Variants in KLHL35 observed in about 807,000 individuals in gnomAD.
The protein encoded by KLHL35 is kelch like family member 35, also known as kelch-like protein 35.
KLHL35 carries 50 observed loss-of-function variants against 44.0 expected under a neutral mutation model. That is an observed-to-expected ratio of 1.14 (90% CI 0.91 to 1.44). KLHL35 has a LOEUF of 1.44. Among genes scored for constraint, KLHL35 ranks in the 40% most tolerant of loss-of-function variants. KLHL35 has a pLI of 0.00. For synonymous variants in KLHL35, 470 were observed against 410.4 expected (o/e 1.15, Z -1.76); for missense variants, 1,049 against 887.8 (o/e 1.18, Z -2.31).
chr11:75,429,294 G>C (rs1452632274), intron 2 of KLHL35, among the ~76,000 whole-genome samples: 2 of 152,176 alleles, frequency 1.3e-5, no homozygotes, highest in Non-Finnish European at 2.9e-5. Flanking sequence ...CTTAGTGTTA[G>C]AGAGAGTGTC....
In KLHL35 at chr11:75,429,972, C is replaced by A; in HGVS notation, c.658G>T (p.Ala220Ser). The A allele has an allele frequency of 7.0e-7, 1 of 1,436,400 alleles. No individual in the cohort carries two copies. Among genetic ancestry groups the A allele is most frequent in the Non-Finnish European group, 9.1e-7 (1 of 1,102,382 alleles). 89.0% of individuals were successfully genotyped at this position (1,436,400 alleles called of 1,614,324 possible). A position where few individuals can be genotyped will look rare whatever the true frequency, so the allele number is the denominator to read the frequency against. ...VAREEAVFEA[A>S]MRWVRHDAPA... ...GCGTCGTGGCGCACCCAGCGCATGGCCGCTTCAAACACGGCCTCCTCGCGC... is the reference window on the plus strand; with the variant it reads ...GCGTCGTGGCGCACCCAGCGCATGGACGCTTCAAACACGGCCTCCTCGCGC... The change falls in exon 2 of 7, where the codon GCC becomes TCC. Residue 220 changes from alanine to serine, a missense_variant. Coordinates refer to ENST00000539798, the MANE Select transcript of KLHL35 (RefSeq NM_001039548.3).
chr11:75,423,201 A>G (rs115919904), intron 6 of KLHL35: 2,728 of 205,780 alleles, frequency 0.013, 79 homozygotes, highest in African/African-American at 0.058. Context: ...ACTGGCAGAG[A>G]CCTCCAGTCC....
chr11:75,425,717 C>G, intron 4 of KLHL35, 136 bp from the exon 5 acceptor site: 1 of 770,162 alleles, frequency 1.3e-6, no homozygotes. Context: ...AACTGACCCC[C>G]GAGCCCAGTG....
Position 75,423,721 on chromosome 11 carries a change from C to T in KLHL35, c.1534G>A (p.Gly512Arg). 1 of 1,613,834 alleles carries T rather than the reference C, an allele frequency of 6.2e-7. No individual in the cohort carries two copies. The highest frequency in any genetic ancestry group is 8.5e-7 in the Non-Finnish European group (1 of 1,179,840). The change falls in exon 6 of 7, where the codon GGG becomes AGG. Residue 512 changes from glycine (G) to arginine (R), a missense_variant. Coordinates refer to ENST00000539798, the MANE Select transcript of KLHL35 (RefSeq NM_001039548.3). The stretch of plus-strand genomic sequence containing the variant: ...GGGCTGGGGAGGACAGCTGCCTCCC[C>T]CCACACATCTGTGCCTGGATCATAG... Reference protein sequence around the residue: ...FTYDPGTDVWGEAAVLPSPVE... With the variant: ...FTYDPGTDVWREAAVLPSPVE...
intron 4 of KLHL35, chr11:75,425,929 T>G (rs1948487542): frequency 3.7e-6 from 1 of 271,802 alleles, no homozygotes; most frequent in Non-Finnish European, 6.8e-6. Flanking sequence ...GTTTCTGAAT[T>G]CGGGATGTAG....
At chr11:75,426,453 C>T in intron 4 of KLHL35, 67 bp downstream of exon 4, 2 of 1,128,732 alleles carry the variant, frequency 1.8e-6, no homozygotes, top group Non-Finnish European at 2.5e-6. Context: ...TTTTAGAGAA[C>T]CTCCCTCCAG....
At chr11:75,423,358 C>G (rs534106620) in intron 6 of KLHL35, 2 of 274,648 alleles carry the variant, frequency 7.3e-6, no homozygotes, top group African/African-American at 2.1e-5. Context: ...TTCCCCACAT[C>G]TTACCTCATG....
At chr11:75,425,342 A>C in intron 5 of KLHL35, 51 bp downstream of exon 5, 1 of 1,481,208 alleles carries the variant, frequency 6.8e-7, no homozygotes, top group Non-Finnish European at 8.9e-7. Flanking sequence ...CCTGGCACAC[A>C]GTGGGCACCC....
chr11:75,429,977 T>C lies in KLHL35; in HGVS notation c.653A>G (p.Glu218Gly). Reference protein sequence around the residue: ...LGVAREEAVFEAAMRWVRHDA... With the variant: ...LGVAREEAVFGAAMRWVRHDA... ...GTGGCGCACCCAGCGCATGGCCGCT[T>C]CAAACACGGCCTCCTCGCGCGCCAC... The change falls in exon 2 of 7, where the codon GAA (glutamate) becomes GGA (glycine). Residue 218 changes from glutamate to glycine, a missense_variant. Coordinates refer to ENST00000539798, the MANE Select transcript of KLHL35 (RefSeq NM_001039548.3). 7.0e-7 allele frequency: 1 copy of C among 1,430,978 alleles called. No homozygotes were observed. 88.6% of individuals were successfully genotyped at this position (1,430,978 alleles called of 1,614,324 possible).
Position 75,430,334 on chromosome 11 carries a change from G to T in KLHL35, c.296C>A (p.Ala99Glu). The T allele has an allele frequency of 7.8e-7, 1 of 1,280,340 alleles. No homozygotes were observed. Among genetic ancestry groups the T allele is most frequent in the Non-Finnish European group, 9.9e-7 (1 of 1,013,130 alleles). The allele number at this position is 1,280,340 out of a possible 1,614,324, so 79.3% of individuals were successfully genotyped here. A position where few individuals can be genotyped will look rare whatever the true frequency, so the allele number is the denominator to read the frequency against. ...PEAPGTSPAG[A>E]AAALAVVLDY... ...GAGCACCACGGCCAGCGCCGCCGCC[G>T]CCCCGGCCGGGCTCGTGCCTGGCGC... The change falls in exon 2 of 7, where the codon GCG becomes GAG. Residue 99 changes from alanine (A) to glutamate (E), a missense_variant. Coordinates refer to ENST00000539798, the MANE Select transcript of KLHL35 (RefSeq NM_001039548.3).
Position 75,426,438 on chromosome 11 carries a change from G to C in KLHL35, c.1185+82C>G, listed in dbSNP as rs1372958771. 3.3e-6 allele frequency: 3 copies of C among 900,594 alleles called. No individual in the cohort carries two copies. The African/African-American group carries it at 5.0e-5, about 15-fold the overall frequency. The allele number at this position is 900,594 out of a possible 1,614,324, so 55.8% of individuals were successfully genotyped here. A position where few individuals can be genotyped will look rare whatever the true frequency, so the allele number is the denominator to read the frequency against. ...GGCTTCAGACCCCTTCTTACAAAGAGAGGGTTTTAGAGAACCTCCCTCCAG... is the reference window on the plus strand; with the variant it reads ...GGCTTCAGACCCCTTCTTACAAAGACAGGGTTTTAGAGAACCTCCCTCCAG... On this transcript the variant is annotated intron_variant, in intron 4 of 6. Coordinates refer to ENST00000539798, the MANE Select transcript of KLHL35 (RefSeq NM_001039548.3).
intron 2 of KLHL35, among the ~76,000 whole-genome samples, chr11:75,429,229 T>C (rs1002016030): frequency 4.6e-5 from 7 of 152,180 alleles, no homozygotes; most frequent in South Asian, 2.1e-4. Flanking sequence ...CTTTTAGCCA[T>C]TGGTTTTCTA....
At chr11:75,424,559 C>G (rs534112846) in intron 5 of KLHL35, 2 of 152,886 alleles carry the variant, frequency 1.3e-5, no homozygotes, top group African/African-American at 2.4e-5. Context: ...CCCCTCCCCC[C>G]ACAGCAGCCT....
Position 75,425,600 on chromosome 11 carries a change from G to GCC in KLHL35, c.1186-21_1186-20dup, listed in dbSNP as rs1451847964. On this transcript the variant is annotated intron_variant, in intron 4 of 6. Transcript: ENST00000539798. Reference sequence around the variant, plus strand: ...CGAACAGCTGCAAGTGAGGACATGGGCCGGGGAGCCGGGTGCCAGGGCCTT... The same window carrying GCC: ...CGAACAGCTGCAAGTGAGGACATGGGCCCCGGGGAGCCGGGTGCCAGGGCCTT... The GCC allele has an allele frequency of 6.9e-7, 1 of 1,451,170 alleles. No individual in the cohort carries two copies. The highest frequency in any genetic ancestry group is 9.0e-7 in the Non-Finnish European group (1 of 1,108,272). 89.9% of individuals were successfully genotyped at this position (1,451,170 alleles called of 1,614,324 possible). A position where few individuals can be genotyped will look rare whatever the true frequency, so the allele number is the denominator to read the frequency against.
Position 75,422,741 on chromosome 11 carries a change from C to T in KLHL35, c.1591G>A (p.Gly531Arg), listed in dbSNP as rs375225538. Residue 531 changes from glycine to arginine, a missense_variant, in exon 7 of 7, where the codon GGG (glycine) becomes AGG (arginine). By Grantham distance (125) the Gly-to-Arg change is moderately radical. Transcript: ENST00000539798. ...CGCCCGCCAAGGATGTGGACCTTCC[C>T]GTCACACACAGTGACTCCACAGCTT... Reference protein sequence around the residue: ...VESCGVTVCDGKVHILGGRDD... With the variant: ...VESCGVTVCDRKVHILGGRDD... 72 of 1,613,696 alleles carry T rather than the reference C, an allele frequency of 4.5e-5. 1 individual carries two copies. The South Asian group carries it at 4.9e-4, about 11-fold the overall frequency.
Position 75,426,541 on chromosome 11 carries a change from C to T in KLHL35, c.1164G>A (p.Lys388=). 1 of 1,599,004 alleles carries T rather than the reference C, an allele frequency of 6.3e-7. No individual in the cohort carries two copies. Among genetic ancestry groups the T allele is most frequent in the Non-Finnish European group, 8.5e-7 (1 of 1,173,026 alleles). Residue 388 remains lysine (K), a synonymous_variant, in exon 4 of 7, where the codon AAG becomes AAA. Transcript: ENST00000539798. ...ASLHKGRWRH[K]MAVVQGQLFA... ...CTACCTGCCCCTGCACAACTGCCATCTTGTGCCTCCACCTGCCCTTGTGCA... is the reference window on the plus strand; with the variant it reads ...CTACCTGCCCCTGCACAACTGCCATTTTGTGCCTCCACCTGCCCTTGTGCA...
At chr11:75,431,123 G>C (rs568621942) in intron 1 of KLHL35, among the ~76,000 whole-genome samples, 96 of 152,202 alleles carry the variant, frequency 6.3e-4, no homozygotes, top group Middle Eastern at 3.4e-3. Flanking sequence ...TGAAGCCCTG[G>C]GTCAAGGGAC....
rs1300326983 is a variant in KLHL35 at position 75,430,043 on chromosome 11, G to A, written c.587C>T (p.Pro196Leu). The A allele has an allele frequency of 2.1e-6, 3 of 1,413,874 alleles. No individual in the cohort carries two copies. The highest frequency in any genetic ancestry group is 2.8e-6 in the Non-Finnish European group (3 of 1,085,880). The allele number at this position is 1,413,874 out of a possible 1,614,324, so 87.6% of individuals were successfully genotyped here. Residue 196 changes from proline to leucine, a missense_variant, in exon 2 of 7, where the codon CCT (proline) becomes CTT (leucine). Coordinates refer to ENST00000539798, the MANE Select transcript of KLHL35 (RefSeq NM_001039548.3). ...ARHADFLELA[P>L]DEVVALLADP... ...CGCCAGCAGCGCCACCACCTCGTCA[G>A]GCGCCAGCTCCAGGAAGTCGGCGTG...
chr11:75,428,529 G>C lies in KLHL35; in HGVS notation c.979C>G (p.Gln327Glu), dbSNP rs1948509346. 1 of 1,612,150 alleles carries C rather than the reference G, an allele frequency of 6.2e-7. No individual in the cohort carries two copies. The highest frequency in any genetic ancestry group is 1.3e-5 in the African/African-American group (1 of 74,944). The change falls in exon 3 of 7, where the codon CAG becomes GAG. Residue 327 changes from glutamine to glutamate, a missense_variant. Physicochemically the swap from Gln to Glu is conservative, Grantham distance 29. Transcript: ENST00000539798. ...PFADAYHPES[Q>E]RWTPLPSLPG... Reference sequence around the variant, plus strand: ...AGGCTGGGCAGTGGGGTCCACCGCTGGCTCTCTGGATGGTAGGCATCGGCG... The same window carrying C: ...AGGCTGGGCAGTGGGGTCCACCGCTCGCTCTCTGGATGGTAGGCATCGGCG...
Sources: gnomAD v4.1 joint callset for allele counts (sites outside exome capture counted in the v4.1 genomes callset) on GRCh38, gnomAD v4.1.1 for gene constraint, MANE v1.5 for transcripts, NCBI Gene and HGNC (gene_info 2026-07-23, HGNC 2026-07-21) for gene names.